DLGAP1: variants seen among roughly 807,000 people sequenced by gnomAD.
DLGAP1 encodes disks large-associated protein 1.
DLGAP1 carries 11 observed loss-of-function variants against 90.8 expected under a neutral mutation model. That is an observed-to-expected ratio of 0.12 (90% CI 0.08 to 0.20). The LOEUF (loss-of-function observed/expected upper bound fraction) is 0.20, where lower values mean the gene tolerates loss of function less well. Ranked by LOEUF, DLGAP1 falls within the 10% of genes least tolerant of loss-of-function variation. The probability of loss-of-function intolerance (pLI) is 1.00; values close to 1 mark genes in which losing one functional copy is unlikely to be tolerated. For missense variants in DLGAP1, 1,050 were observed against 1,333.8 expected, an observed-to-expected ratio of 0.79 and a Z score of 3.31; for synonymous variants, 558 against 540.7, an observed-to-expected ratio of 1.03 and a Z score of -0.44.
At chr18:3,930,769 G>A (rs2072498606) in intron 3 of DLGAP1, among the ~76,000 whole-genome samples, 2 of 152,148 alleles carry the variant, frequency 1.3e-5, no homozygotes, top group African/African-American at 4.8e-5. Context: ...GTGGTCCAGA[G>A]AGCTCTTGGA....
At chr18:3,504,448 A>G (rs578136271) in intron 11 of DLGAP1, among the ~76,000 whole-genome samples, 197 of 152,248 alleles carry the variant, frequency 1.3e-3, no homozygotes, top group African/African-American at 4.5e-3. Flanking sequence ...GCAATGGTAC[A>G]ATCTCAGCTC....
chr18:4,103,862 A>G (rs2075818992), intron 2 of DLGAP1, among the ~76,000 whole-genome samples: 1 of 152,154 alleles, frequency 6.6e-6, no homozygotes, highest in Non-Finnish European at 1.5e-5. Context: ...GATATGCTAA[A>G]TTGAACTAGC....
chr18:4,235,134 T>C (rs1326242470), intron 1 of DLGAP1, among the ~76,000 whole-genome samples: 1 of 151,922 alleles, frequency 6.6e-6, no homozygotes, highest in Non-Finnish European at 1.5e-5. Context: ...GTTTTCCAGC[T>C]TATTGGAAGC....
At chr18:4,368,453 G>A (rs1292903042) in intron 1 of DLGAP1, among the ~76,000 whole-genome samples, 2 of 152,056 alleles carry the variant, frequency 1.3e-5, no homozygotes, top group African/African-American at 4.8e-5. Flanking sequence ...ATCAGTAGAA[G>A]GCCTTAAGAA....
intron 2 of DLGAP1, among the ~76,000 whole-genome samples, chr18:4,099,274 A>G (rs12966704): frequency 0.073 from 5,796 of 79,852 alleles, 294 homozygotes; most frequent in African/African-American, 0.21. Context: ...CTGTCTGTCT[A>G]TCTATCTATC....
At chr18:3,830,978 C>A (rs180683499) in intron 4 of DLGAP1, among the ~76,000 whole-genome samples, 9 of 152,302 alleles carry the variant, frequency 5.9e-5, no homozygotes, top group African/African-American at 2.2e-4. Flanking sequence ...AGTATGGACA[C>A]CTTTCATCCC....
chr18:4,407,990 T>G (rs2144585554), intron 1 of DLGAP1, among the ~76,000 whole-genome samples: 1 of 152,298 alleles, frequency 6.6e-6, no homozygotes, highest in South Asian at 2.1e-4. Context: ...GGTATGGAGA[T>G]GAACGTGAGT....
intron 1 of DLGAP1, among the ~76,000 whole-genome samples, chr18:4,168,532 C>A (rs1002115112): frequency 1.3e-5 from 2 of 152,010 alleles, no homozygotes; most frequent in Admixed American, 1.3e-4. Flanking sequence ...AACTTTATAC[C>A]CATTAAACCA....
At chr18:4,312,588 C>T (rs904294789) in intron 1 of DLGAP1, among the ~76,000 whole-genome samples, 2 of 152,048 alleles carry the variant, frequency 1.3e-5, no homozygotes, top group African/African-American at 4.8e-5. Context: ...GGATGTGATC[C>T]CACCGCAAGA....
intron 1 of DLGAP1, among the ~76,000 whole-genome samples, chr18:4,298,629 G>C (rs530424973): frequency 5.3e-5 from 8 of 152,042 alleles, no homozygotes; most frequent in South Asian, 4.2e-4. Flanking sequence ...GTTGTGGGGT[G>C]GGGGGAAAGG....
At chr18:3,551,960 GTTTT>G (rs60343720) in intron 9 of DLGAP1, among the ~76,000 whole-genome samples, 1 of 142,892 alleles carries the variant, frequency 7.0e-6, no homozygotes, top group African/African-American at 2.6e-5. Context: ...TTTTTAAATT[GTTTT>G]TTTTTTTCTT....
chr18:3,921,063 T>G (rs2072259171), intron 3 of DLGAP1, among the ~76,000 whole-genome samples: 1 of 152,168 alleles, frequency 6.6e-6, no homozygotes, highest in African/African-American at 2.4e-5. Flanking sequence ...AACATAGTAA[T>G]GTAACTTGGA....
intron 7 of DLGAP1, among the ~76,000 whole-genome samples, chr18:3,587,741 C>A (rs569189825): frequency 2.0e-5 from 3 of 152,258 alleles, no homozygotes; most frequent in South Asian, 4.2e-4. Flanking sequence ...TTCCTGAAGT[C>A]AGCGAGACCA....
chr18:3,963,460 T>A (rs2148989168), intron 3 of DLGAP1, among the ~76,000 whole-genome samples: 1 of 152,282 alleles, frequency 6.6e-6, no homozygotes, highest in South Asian at 2.1e-4. Context: ...CACCTCCTAA[T>A]TACTGACACA....
chr18:3,774,006 A>T (rs984926091), intron 5 of DLGAP1, among the ~76,000 whole-genome samples: 2 of 152,290 alleles, frequency 1.3e-5, no homozygotes, highest in East Asian at 1.9e-4. Context: ...ACCTTCCCCA[A>T]CATCTCCCAG....
intron 1 of DLGAP1, among the ~76,000 whole-genome samples, chr18:4,216,253 G>A (rs1387057207): frequency 6.6e-6 from 1 of 151,258 alleles, no homozygotes; most frequent in Non-Finnish European, 1.5e-5. Flanking sequence ...TCACTATCAT[G>A]AGAACAGCAT....
chr18:4,234,314 T>G (rs942801817), intron 1 of DLGAP1, among the ~76,000 whole-genome samples: 8 of 152,148 alleles, frequency 5.3e-5, no homozygotes, highest in African/African-American at 1.9e-4. Flanking sequence ...TTAAAGCTGA[T>G]GAAGTGCTCT....
At chr18:3,553,825 G>A (rs1401630036) in intron 9 of DLGAP1, among the ~76,000 whole-genome samples, 5 of 152,052 alleles carry the variant, frequency 3.3e-5, no homozygotes, top group Non-Finnish European at 7.4e-5. Flanking sequence ...GAGCCACCAC[G>A]CCCGGCCCAC....
At chr18:4,384,030 C>A (rs1022530683) in intron 1 of DLGAP1, among the ~76,000 whole-genome samples, 2 of 152,134 alleles carry the variant, frequency 1.3e-5, no homozygotes, top group Non-Finnish European at 2.9e-5. Context: ...TTGAGCCATG[C>A]GACAAGCAAT....
Sources: allele counts gnomAD v4.1 joint callset (sites outside exome capture counted in the v4.1 genomes callset), GRCh38; gene constraint gnomAD v4.1.1; transcripts MANE v1.5; gene names NCBI Gene and HGNC (gene_info 2026-07-23, HGNC 2026-07-21).